CNNM2: variants seen among roughly 807,000 people sequenced by gnomAD.
CNNM2 encodes the protein metal transporter CNNM2.
CNNM2 carries 12 observed loss-of-function variants against 66.9 expected under a neutral mutation model. The ratio of observed to expected loss-of-function variants is 0.18; its 90% CI spans 0.11 to 0.29. The LOEUF is 0.29. Ranked by LOEUF, CNNM2 falls within the 10% of genes least tolerant of loss-of-function variation. CNNM2 has a pLI of 1.00. For synonymous variants in CNNM2, 557 were observed against 501.8 expected, an observed-to-expected ratio of 1.11 and a Z score of -1.47; for missense variants, 705 against 1,167.7, an observed-to-expected ratio of 0.60 and a Z score of 5.77.
chr10:102,955,360 T>C (rs1590304633), intron 1 of CNNM2, among the ~76,000 whole-genome samples: 1 of 152,144 alleles, frequency 6.6e-6, no homozygotes, highest in Admixed American at 6.5e-5. Context: ...TTACACCTTA[T>C]ACAAAAATTA....
At chr10:103,062,740 C>T (rs1239331384) in intron 4 of CNNM2, among the ~76,000 whole-genome samples, 1 of 152,180 alleles carries the variant, frequency 6.6e-6, no homozygotes, top group Non-Finnish European at 1.5e-5. Context: ...ACCCTCCAGC[C>T]CTTTGCCAAA....
intron 1 of CNNM2, among the ~76,000 whole-genome samples, chr10:102,959,867 A>G (rs1393969353): frequency 1.3e-5 from 2 of 152,148 alleles, no homozygotes; most frequent in Non-Finnish European, 2.9e-5. Context: ...CCTGGCTAAC[A>G]TGGTGAAACC....
intron 1 of CNNM2, among the ~76,000 whole-genome samples, chr10:102,967,779 C>T (rs1400346154): frequency 1.3e-5 from 2 of 152,164 alleles, no homozygotes; most frequent in African/African-American, 4.8e-5. Context: ...GGGGCCGAGG[C>T]GGGCGGATCA....
intron 1 of CNNM2, among the ~76,000 whole-genome samples, chr10:103,002,823 A>G (rs2064148407): frequency 6.6e-6 from 1 of 152,178 alleles, no homozygotes; most frequent in Non-Finnish European, 1.5e-5. Flanking sequence ...GGAATGGTCT[A>G]ACTGCTCTGA....
intron 1 of CNNM2, among the ~76,000 whole-genome samples, chr10:102,944,581 CGT>C (rs148795286): frequency 0.012 from 1,792 of 143,414 alleles, 14 homozygotes; most frequent in African/African-American, 0.033. Flanking sequence ...TGTATCTTTT[CGT>C]GTGTGTGTGT....
At chr10:103,010,710 T>C (rs2064325800) in intron 1 of CNNM2, among the ~76,000 whole-genome samples, 1 of 152,060 alleles carries the variant, frequency 6.6e-6, no homozygotes. Flanking sequence ...CCTCCTGGGT[T>C]CAAGCGATTC....
In CNNM2 at chr10:103,084,866, T is replaced by C. The variant is rs892065063; in HGVS notation, c.*7686T>C. The C allele has an allele frequency of 1.3e-5, 2 of 152,200 alleles. No homozygotes were observed. The highest frequency in any genetic ancestry group is 2.4e-5 in the African/African-American group (1 of 41,462). 9.4% of individuals were successfully genotyped at this position (152,200 alleles called of 1,614,324 possible). Reference sequence around the variant, plus strand: ...CCTGGAGTTGATTTCTGGAAACTTATTTTATACTTTTTGAAGGTAATTTAA... The same window carrying C: ...CCTGGAGTTGATTTCTGGAAACTTACTTTATACTTTTTGAAGGTAATTTAA... On this transcript the variant is annotated 3_prime_UTR_variant, in exon 8 of 8. Transcript: ENST00000369878.
intron 1 of CNNM2, among the ~76,000 whole-genome samples, chr10:103,039,825 CAAG>C (rs2065008080): frequency 6.6e-6 from 1 of 151,982 alleles, no homozygotes; most frequent in African/African-American, 2.4e-5. Context: ...AGGTGAGAAA[CAAG>C]GAGCTTCCAG....
chr10:102,920,168 C>G, intron 1 of CNNM2, 67 bp downstream of exon 1: 1 of 1,613,082 alleles, frequency 6.2e-7, no homozygotes, highest in South Asian at 1.1e-5. Flanking sequence ...TACTTGAGTC[C>G]TCTACCCTCA....
chr10:103,038,482 T>A (rs1483751740), intron 1 of CNNM2, among the ~76,000 whole-genome samples: 1 of 152,174 alleles, frequency 6.6e-6, no homozygotes, highest in Non-Finnish European at 1.5e-5. Flanking sequence ...CTCCCTACTG[T>A]CAGAGTTGTT....
intron 1 of CNNM2, among the ~76,000 whole-genome samples, chr10:103,014,692 T>G (rs1396693751): frequency 6.6e-6 from 1 of 152,198 alleles, no homozygotes; most frequent in Non-Finnish European, 1.5e-5. Flanking sequence ...TGACTGATGC[T>G]CAAGCGCTTT....
At chr10:103,005,062 G>A (rs527386517) in intron 1 of CNNM2, among the ~76,000 whole-genome samples, 2 of 151,574 alleles carry the variant, frequency 1.3e-5, no homozygotes, top group African/African-American at 4.8e-5. Context: ...ATGGGCATGC[G>A]CCACCACACC....
At chr10:103,036,607 T>C (rs1020394113) in intron 1 of CNNM2, among the ~76,000 whole-genome samples, 5 of 152,174 alleles carry the variant, frequency 3.3e-5, no homozygotes, top group African/African-American at 1.2e-4. Flanking sequence ...TGCTACTCTC[T>C]CCAAAAACCG....
chr10:103,052,291 CA>C (rs796393539), intron 2 of CNNM2, among the ~76,000 whole-genome samples: 75 of 131,178 alleles, frequency 5.7e-4, no homozygotes, highest in Admixed American at 1.0e-3. Flanking sequence ...AAAAAAAAAA[CA>C]AAAAAAAAAA....
Position 102,961,647 on chromosome 10 carries a change from G to T in CNNM2, c.1621+41546G>T, listed in dbSNP as rs980558259. On this transcript the variant is annotated intron_variant, in intron 1 of 7. Transcript: ENST00000369878. ...ATTTCAAAATTAGGTTAAATTATGTGAAACTCTTGTTTTGAAAATATCACT... is the reference window on the plus strand; with the variant it reads ...ATTTCAAAATTAGGTTAAATTATGTTAAACTCTTGTTTTGAAAATATCACT... Among the ~76,000 whole-genome samples, 6 of 152,038 alleles carry T rather than the reference G, an allele frequency of 3.9e-5. No homozygotes were observed. The East Asian group carries it at 1.2e-3, about 29-fold the overall frequency.
At chr10:103,028,855 C>T (rs2064765491) in intron 1 of CNNM2, among the ~76,000 whole-genome samples, 1 of 118,266 alleles carries the variant, frequency 8.5e-6, no homozygotes, top group Non-Finnish European at 1.6e-5. Flanking sequence ...GACAGTCTCG[C>T]TGTGTCACTC....
Position 103,089,416 on chromosome 10 carries a change from C to T in CNNM2, c.*12236C>T, listed in dbSNP as rs1349328721. ...TCACAAGCCACAGTGGAGCCATATACATGCAGTTCAGCCTGATTTTACCCT... is the reference window on the plus strand; with the variant it reads ...TCACAAGCCACAGTGGAGCCATATATATGCAGTTCAGCCTGATTTTACCCT... On this transcript the variant is annotated 3_prime_UTR_variant, in exon 8 of 8. Coordinates refer to ENST00000369878, the MANE Select transcript of CNNM2 (RefSeq NM_017649.5). The T allele has an allele frequency of 2.5e-6, 1 of 396,724 alleles. No homozygotes were observed. The highest frequency in any genetic ancestry group is 4.3e-6 in the Non-Finnish European group (1 of 230,306). 24.6% of individuals were successfully genotyped at this position (396,724 alleles called of 1,614,324 possible).
At chr10:102,967,286 A>G (rs2063478076) in intron 1 of CNNM2, among the ~76,000 whole-genome samples, 1 of 152,170 alleles carries the variant, frequency 6.6e-6, no homozygotes, top group Non-Finnish European at 1.5e-5. Context: ...TTATTGAGGT[A>G]TAATTTACAT....
At chr10:102,963,753 C>T (rs899355483) in intron 1 of CNNM2, among the ~76,000 whole-genome samples, 5 of 152,000 alleles carry the variant, frequency 3.3e-5, no homozygotes, top group Admixed American at 1.3e-4. Flanking sequence ...CTGCTAGATG[C>T]CGTGGGGCAT....
Sources: allele counts gnomAD v4.1 joint callset (sites outside exome capture counted in the v4.1 genomes callset), GRCh38; gene constraint gnomAD v4.1.1; transcripts MANE v1.5; gene names NCBI Gene and HGNC (gene_info 2026-07-23, HGNC 2026-07-21).